FRMD1: variants seen among roughly 807,000 people sequenced by gnomAD.
The protein encoded by FRMD1 is FERM domain containing 1.
In FRMD1, 51 loss-of-function variants were observed where a neutral mutation model predicts 54.9. The observed-to-expected ratio is 0.93, with a 90% CI of 0.74 to 1.17. The LOEUF is 1.17. FRMD1 is among the 50% of genes most tolerant of loss of function. The pLI is 0.00. For synonymous variants in FRMD1, 324 were observed against 306.4 expected (o/e 1.06, Z -0.60); for missense variants, 729 against 743.0 (o/e 0.98, Z 0.22).
rs757832939 is a variant in FRMD1, at chr6:168,059,644, T to A, written c.1343-456A>T. 6.6e-6 allele frequency among the ~76,000 whole-genome samples: 1 copy of A among 152,104 alleles called. No homozygotes were observed. The highest frequency in any genetic ancestry group is 1.5e-5 in the Non-Finnish European group (1 of 68,004). The stretch of plus-strand genomic sequence containing the variant: ...GAGCCCTGGGGCTGGTCCCACCTGA[T>A]CTCATCACATCCACCGTCAGGGCCG... On this transcript the variant is annotated intron_variant, in intron 9 of 10. Coordinates refer to ENST00000283309, the MANE Select transcript of FRMD1 (RefSeq NM_024919.6). This position sits in a 1 kb window ranked among gnomAD's most constrained non-coding sequence, Gnocchi z 4.4.
intron 1 of FRMD1, among the ~76,000 whole-genome samples, chr6:168,078,643 C>T (rs1297810015): frequency 2.9e-5 from 4 of 139,292 alleles, no homozygotes; most frequent in Admixed American, 2.1e-4. Flanking sequence ...CTTGCTCACC[C>T]CCACGGCCAC....
At chr6:168,065,230 G>A in intron 4 of FRMD1, 173 bp from the exon 5 acceptor site, 1 of 1,386,708 alleles carries the variant, frequency 7.2e-7, no homozygotes, top group Non-Finnish European at 9.3e-7. Flanking sequence ...GCACGGCACA[G>A]GCCCACACTC....
At chr6:168,092,916 A>G (rs1212090897) in intron 1 of FRMD1, 2 of 152,204 alleles carry the variant, frequency 1.3e-5, no homozygotes, top group African/African-American at 4.8e-5. Flanking sequence ...CACTGCTCAT[A>G]AAGACATGCC....
chr6:168,086,020 A>G (rs1038977839), upstream of FRMD1, among the ~76,000 whole-genome samples: 10 of 152,248 alleles, frequency 6.6e-5, no homozygotes, highest in Admixed American at 6.5e-4. Context: ...ATTCACACAC[A>G]TTAAACAGAG....
At chr6:168,060,430 C>T (rs1488932525) in intron 9 of FRMD1, among the ~76,000 whole-genome samples, 1 of 152,006 alleles carries the variant, frequency 6.6e-6, no homozygotes, top group Non-Finnish European at 1.5e-5. Flanking sequence ...CTGAGATGGG[C>T]TTCCGAGAAA....
In FRMD1 at chr6:168,059,545, G is replaced by C. The variant is rs2269681; in HGVS notation, c.1343-357C>G. 0.06 allele frequency among the ~76,000 whole-genome samples: 9,074 copies of C among 152,202 alleles called. 334 individuals carry two copies. The highest frequency in any genetic ancestry group is 0.18 in the East Asian group (922 of 5,148). ...GTGACAGGAATGCCTGGCCCTGGGA[G>C]GCCCTAGGTGATGTTTTGTGACCCT... On this transcript the variant is annotated intron_variant, in intron 9 of 10. Coordinates refer to ENST00000283309, the MANE Select transcript of FRMD1 (RefSeq NM_024919.6). The surrounding 1 kb of genome is among the most constrained non-coding windows in gnomAD (Gnocchi z 4.4).
In FRMD1 at chr6:168,058,307, A is replaced by T. The variant is rs1460688609; in HGVS notation, c.1407+817T>A. On this transcript the variant is annotated intron_variant, in intron 10 of 10. Transcript: ENST00000283309. ...CCAGCCCTGTTCTCTCTCTCCATGC[A>T]GCCTCTCGTGCCCAGCCCTGTTCTC... is the stretch of plus-strand genomic sequence containing the variant. Among the ~76,000 whole-genome samples, 42 of 89,464 alleles carry T rather than the reference A, an allele frequency of 4.7e-4. 2 individuals are homozygous for T. The highest frequency in any genetic ancestry group is 6.3e-4 in the Non-Finnish European group (28 of 44,258). The allele number at this position is 89,464 out of a possible 152,430, so 58.7% of individuals were successfully genotyped here.
At chr6:168,060,366 A>C (rs1374462908) in intron 9 of FRMD1, among the ~76,000 whole-genome samples, 3 of 31,298 alleles carry the variant, frequency 9.6e-5, no homozygotes, top group African/African-American at 1.4e-4. Flanking sequence ...TCTTCCTAGG[A>C]GTTGGGGGGG....
chr6:168,056,779 G>T lies in FRMD1; in HGVS notation c.*318C>A, dbSNP rs1055266454. ...TCACCTTCTCTCCCAGATTAGGATG[G>T]GTGACAGGCTGCCTCAGGGGCCAAC... On this transcript the variant is annotated 3_prime_UTR_variant, in exon 11 of 11. Transcript: ENST00000283309. The T allele has an allele frequency of 4.4e-6, 1 of 227,994 alleles. No homozygotes were observed. Among genetic ancestry groups the T allele is most frequent in the African/African-American group, 2.3e-5 (1 of 44,088 alleles). The allele number at this position is 227,994 out of a possible 1,614,324, so 14.1% of individuals were successfully genotyped here.
chr6:168,075,251 C>G lies in FRMD1; in HGVS notation c.298G>C (p.Val100Leu). 6.2e-7 allele frequency: 1 copy of G among 1,613,670 alleles called. No individual in the cohort carries two copies. The highest frequency in any genetic ancestry group is 2.2e-5 in the East Asian group (1 of 44,878). Residue 100 changes from valine to leucine, a missense_variant, in exon 2 of 11, where the codon GTC becomes CTC. Val to Leu is a conservative substitution (Grantham distance 32, BLOSUM62 1). Coordinates refer to ENST00000283309, the MANE Select transcript of FRMD1 (RefSeq NM_024919.6). ...RDAQFFGLCVVRNNEYIFMDL... is the reference protein window; with the variant it reads ...RDAQFFGLCVLRNNEYIFMDL... Reference sequence around the variant, plus strand: ...GGGACTGAGCGATGCTTACTTCTGACCACACAGAGGCCAAAGAACTGCGCG... The same window carrying G: ...GGGACTGAGCGATGCTTACTTCTGAGCACACAGAGGCCAAAGAACTGCGCG...
chr6:168,075,828 T>A (rs1583202265), intron 1 of FRMD1: 1 of 1,541,908 alleles, frequency 6.5e-7, no homozygotes, highest in Non-Finnish European at 8.8e-7. Context: ...CAGCGTCTGG[T>A]GCGTGTCCCT....
At chr6:168,062,533 G>A (rs1799804034) in intron 7 of FRMD1, 1 of 867,926 alleles carries the variant, frequency 1.2e-6, no homozygotes. Flanking sequence ...GTGAGGCCAG[G>A]ACGGCCCTGA....
intron 10 of FRMD1, chr6:168,057,549 G>A: frequency 1.5e-6 from 1 of 646,926 alleles, no homozygotes; most frequent in Non-Finnish European, 2.6e-6. Context: ...CATTTCAGGA[G>A]GCCCCCACCT....
At position 168,078,896 on chromosome 6, in the gene FRMD1, G is replaced by T; in HGVS notation, c.199C>A (p.Arg67=). The T allele has an allele frequency of 6.3e-7, 1 of 1,592,120 alleles. No homozygotes were observed. The highest frequency in any genetic ancestry group is 8.5e-7 in the Non-Finnish European group (1 of 1,172,372). The change falls in exon 1 of 11, where the codon CGG becomes AGG. Residue 67 remains arginine, a synonymous_variant. Coordinates refer to ENST00000283309, the MANE Select transcript of FRMD1 (RefSeq NM_024919.6). ...GCCCTGCTCACCCCCACGGCCAGCCGCAGTTGCTCCCGGCTGGGCAGCAGC... is the reference window on the plus strand; with the variant it reads ...GCCCTGCTCACCCCCACGGCCAGCCTCAGTTGCTCCCGGCTGGGCAGCAGC... ...LVLLPSREQL[R]LAVGVKATGR...
chr6:168,060,855 G>C lies in FRMD1; in HGVS notation c.1248C>G (p.Asp416Glu). Residue 416 changes from aspartate to glutamate, a missense_variant, in exon 9 of 11, where the codon GAC becomes GAG. Coordinates refer to ENST00000283309, the MANE Select transcript of FRMD1 (RefSeq NM_024919.6). ...WLRESREMSV[D>E]VPLEVHGLHE... ...GGAGCCCGTGGACCTCCAAGGGCAC[G>C]TCCACAGACATCTCTCTGGATTCCC... 1 of 1,613,746 alleles carries C rather than the reference G, an allele frequency of 6.2e-7. No individual in the cohort carries two copies. Among genetic ancestry groups the C allele is most frequent in the Non-Finnish European group, 8.5e-7 (1 of 1,180,032 alleles).
chr6:168,061,172 G>T, intron 8 of FRMD1, 115 bp from the exon 9 acceptor site: 1 of 1,053,658 alleles, frequency 9.5e-7, no homozygotes, highest in Non-Finnish European at 1.3e-6. Context: ...TGAGGACGTG[G>T]AACAGGCAGG....
chr6:168,078,559 G>A (rs1359927011), intron 1 of FRMD1, among the ~76,000 whole-genome samples: 5 of 108,592 alleles, frequency 4.6e-5, no homozygotes, highest in Non-Finnish European at 9.6e-5. Context: ...CACCCCCACG[G>A]CTCTGCTCAC....
intron 1 of FRMD1, among the ~76,000 whole-genome samples, chr6:168,076,515 A>T (rs1800602315): frequency 6.6e-6 from 1 of 152,170 alleles, no homozygotes; most frequent in African/African-American, 2.4e-5. Flanking sequence ...TGATAGTGAG[A>T]GAGTTCTCAT....
At chr6:168,075,980 G>A (rs551440993) in intron 1 of FRMD1, 8 of 1,081,556 alleles carry the variant, frequency 7.4e-6, no homozygotes, top group East Asian at 2.7e-5. Context: ...CATTTCCGGC[G>A]TCTCGCATGT....
Sources: allele counts gnomAD v4.1 joint callset (sites outside exome capture counted in the v4.1 genomes callset), GRCh38; gene constraint gnomAD v4.1.1; non-coding constraint Gnocchi (gnomAD v3.1); transcripts MANE v1.5; gene names NCBI Gene and HGNC (gene_info 2026-07-23, HGNC 2026-07-21).